The following LINGO2 variants were observed in gnomAD, a reference collection of about 807,000 sequenced individuals.
LINGO2 encodes the protein leucine rich repeat and Ig domain containing 2.
In LINGO2, 14 loss-of-function variants were observed where a neutral mutation model predicts 30.6. The observed-to-expected ratio is 0.46, with a 90% CI of 0.30 to 0.72. LINGO2 has a LOEUF of 0.72. Ranked by LOEUF, LINGO2 falls within the 30% of genes least tolerant of loss-of-function variation. LINGO2 has a pLI of 0.07. For missense variants in LINGO2, 729 were observed against 751.7 expected, an observed-to-expected ratio of 0.97 and a Z score of 0.35; for synonymous variants, 317 against 288.5, an observed-to-expected ratio of 1.10 and a Z score of -1.00.
At position 28,439,051 on chromosome 9, in the gene LINGO2, A is replaced by C. The variant is rs1824080803; in HGVS notation, c.-279+36889T>G. On this transcript the variant is annotated intron_variant, in intron 2 of 5. Transcript: ENST00000379992. The stretch of plus-strand genomic sequence containing the variant: ...TATACATTATATATGAAATACAGAT[A>C]TCTATACATTATATATAATGAAATA... Among the ~76,000 whole-genome samples, 3 of 147,742 alleles carry C rather than the reference A, an allele frequency of 2.0e-5. No homozygotes were observed. The South Asian group carries it at 6.3e-4, about 31-fold the overall frequency.
At chr9:29,031,425 G>C in the LINGO2 span, among the ~76,000 whole-genome samples, 2 of 151,970 alleles carry the variant, frequency 1.3e-5, no homozygotes, top group African/African-American at 2.4e-5. Flanking sequence ...TAGGATTACA[G>C]GTTCTTGCCA....
intron 4 of LINGO2, among the ~76,000 whole-genome samples, chr9:28,093,252 C>T (rs967073611): frequency 2.6e-5 from 4 of 152,062 alleles, no homozygotes; most frequent in African/African-American, 9.7e-5. Flanking sequence ...TGAAAGGACT[C>T]ATTTCCTTGT....
chr9:28,966,032 T>C, the LINGO2 span, among the ~76,000 whole-genome samples: 1 of 152,148 alleles, frequency 6.6e-6, no homozygotes, highest in Non-Finnish European at 1.5e-5. Flanking sequence ...GACCTATTGA[T>C]TTAGATAATC....
exon 6 of LINGO2, chr9:27,948,618 A>G (rs1385222881): frequency 1.5e-5 from 7 of 462,324 alleles, no homozygotes; most frequent in Non-Finnish European, 2.6e-5. Flanking sequence ...CAGAACGCCA[A>G]TATTTGCAAC....
intron 3 of LINGO2, among the ~76,000 whole-genome samples, chr9:28,344,768 G>T (rs1391397312): frequency 6.6e-6 from 1 of 151,996 alleles, no homozygotes. Flanking sequence ...AAGACTCAAG[G>T]ATTTAAGAAA....
At chr9:28,051,528 G>A (rs1033549581) in intron 4 of LINGO2, among the ~76,000 whole-genome samples, 3 of 152,044 alleles carry the variant, frequency 2.0e-5, no homozygotes, top group Admixed American at 6.6e-5. Context: ...ACCTTGCACT[G>A]GAGACACAGC....
the LINGO2 span, among the ~76,000 whole-genome samples, chr9:29,091,221 G>T: frequency 2.4e-4 from 36 of 151,964 alleles, no homozygotes; most frequent in Non-Finnish European, 4.9e-4. Flanking sequence ...AGCAACAAAC[G>T]AATGCTCTCT....
the LINGO2 span, among the ~76,000 whole-genome samples, chr9:29,160,291 T>TTAAGAAAC: frequency 6.6e-6 from 1 of 152,230 alleles, no homozygotes; most frequent in African/African-American, 2.4e-5. Flanking sequence ...CAATGAAGCA[T>TTAAGAAAC]AACTAGTTAA....
Position 28,297,809 on chromosome 9 carries a change from C to T in LINGO2, c.-245-2443G>A, listed in dbSNP as rs10968463. 0.016 allele frequency among the ~76,000 whole-genome samples: 2,422 copies of T among 152,228 alleles called. 140 individuals are homozygous for T. In the East Asian group the frequency reaches 0.19, roughly 12 times the overall value. ...GGTTTTGATAGTACAATAACATCTA[C>T]GGCATCAAACACAAGAGTCACTGCC... On this transcript the variant is annotated intron_variant, in intron 3 of 5. Transcript: ENST00000379992.
chr9:29,147,054 T>A, the LINGO2 span, among the ~76,000 whole-genome samples: 1 of 152,060 alleles, frequency 6.6e-6, no homozygotes, highest in Non-Finnish European at 1.5e-5. Flanking sequence ...ATCACCTCAA[T>A]CCAGAAAATG....
At chr9:28,401,174 T>C (rs1465116851) in intron 2 of LINGO2, among the ~76,000 whole-genome samples, 1 of 152,154 alleles carries the variant, frequency 6.6e-6, no homozygotes, top group Non-Finnish European at 1.5e-5. Flanking sequence ...TTTTTTCCTT[T>C]ATTTCTTAAA....
intron 4 of LINGO2, among the ~76,000 whole-genome samples, chr9:28,169,700 C>T (rs1047115508): frequency 2.0e-5 from 3 of 152,084 alleles, no homozygotes; most frequent in Admixed American, 2.0e-4. Context: ...TAATCATGAG[C>T]ATAGAAAACA....
chr9:28,909,041 A>C, the LINGO2 span, among the ~76,000 whole-genome samples: 1 of 151,940 alleles, frequency 6.6e-6, no homozygotes. Context: ...CAAACAAATA[A>C]GTTGTATCTG....
the LINGO2 span, among the ~76,000 whole-genome samples, chr9:28,941,366 A>G: frequency 2.6e-5 from 4 of 152,120 alleles, no homozygotes. Flanking sequence ...ACGATACCCT[A>G]TTCCTTTTTC....
intron 1 of LINGO2, among the ~76,000 whole-genome samples, chr9:28,553,933 C>T (rs962129244): frequency 1.3e-5 from 2 of 151,968 alleles, no homozygotes; most frequent in African/African-American, 2.4e-5. Flanking sequence ...AAATACTTTA[C>T]AGACAAGCAA....
chr9:28,964,550 T>C, the LINGO2 span, among the ~76,000 whole-genome samples: 15 of 151,896 alleles, frequency 9.9e-5, no homozygotes, highest in Non-Finnish European at 1.8e-4. Context: ...TGTTATTCTG[T>C]AGGAATGAGA....
chr9:28,650,721 C>CAACA (rs1023869217), intron 1 of LINGO2, among the ~76,000 whole-genome samples: 1 of 152,106 alleles, frequency 6.6e-6, no homozygotes, highest in Non-Finnish European at 1.5e-5. Context: ...TCTACATTCT[C>CAACA]AACAAACAAA....
intron 4 of LINGO2, among the ~76,000 whole-genome samples, chr9:28,242,464 T>C (rs1486754250): frequency 6.6e-6 from 1 of 152,026 alleles, no homozygotes; most frequent in Non-Finnish European, 1.5e-5. Flanking sequence ...CTGAGAAATA[T>C]GGGCCTATGT....
chr9:28,908,020 T>C, the LINGO2 span, among the ~76,000 whole-genome samples: 1 of 151,814 alleles, frequency 6.6e-6, no homozygotes, highest in Non-Finnish European at 1.5e-5. Flanking sequence ...TTCCTCAGCA[T>C]TACTTAGTAC....
Sources: gnomAD v4.1 joint callset for allele counts (sites outside exome capture counted in the v4.1 genomes callset) on GRCh38, gnomAD v4.1.1 for gene constraint, MANE v1.5 for transcripts, NCBI Gene and HGNC (gene_info 2026-07-23, HGNC 2026-07-21) for gene names.